Variants in SRSF4 observed in about 807,000 individuals in gnomAD.
SRSF4 encodes the protein serine/arginine-rich splicing factor 4.
In SRSF4, 12 loss-of-function variants were observed where a neutral mutation model predicts 48.8. The observed-to-expected ratio is 0.25, with a 90% CI of 0.16 to 0.40. The LOEUF is 0.40. Among genes scored for constraint, SRSF4 ranks in the 10% least tolerant of loss-of-function variants. The pLI is 1.00. For missense variants in SRSF4, 466 were observed against 667.1 expected, an observed-to-expected ratio of 0.70 and a Z score of 3.32; for synonymous variants, 248 against 232.5, an observed-to-expected ratio of 1.07 and a Z score of -0.61.
chr1:29,159,285 T>C, intron 3 of SRSF4, 89 bp downstream of exon 3: 3 of 805,020 alleles, frequency 3.7e-6, no homozygotes, highest in East Asian at 5.0e-5. Flanking sequence ...ACACTGTATT[T>C]TGTGTATGCC....
chr1:29,158,795 G>A (rs111663720), intron 3 of SRSF4, among the ~76,000 whole-genome samples: 17,482 of 152,128 alleles, frequency 0.11, 1,369 homozygotes, highest in East Asian at 0.41. Context: ...TTGTGCCTCT[G>A]CACTCCAGCC....
chr1:29,153,658 C>T (rs977551724), intron 4 of SRSF4, among the ~76,000 whole-genome samples: 14 of 145,928 alleles, frequency 9.6e-5, no homozygotes, highest in Non-Finnish European at 2.0e-4. Context: ...TAGAGTGCAA[C>T]GGTGCGCTTG....
intron 1 of SRSF4, among the ~76,000 whole-genome samples, chr1:29,162,831 T>A (rs1461212752): frequency 3.3e-5 from 5 of 152,164 alleles, no homozygotes; most frequent in Non-Finnish European, 5.9e-5. Context: ...TTACAACTAC[T>A]GGGCAGAGGG....
intron 4 of SRSF4, among the ~76,000 whole-genome samples, chr1:29,153,292 C>T (rs1015116009): frequency 2.0e-5 from 3 of 152,102 alleles, no homozygotes; most frequent in Admixed American, 2.0e-4. Context: ...CGTGTGCCAT[C>T]ATGCCTGGCT....
chr1:29,157,555 A>G (rs566769919), intron 3 of SRSF4, among the ~76,000 whole-genome samples: 3 of 152,298 alleles, frequency 2.0e-5, no homozygotes, highest in Admixed American at 2.0e-4. Context: ...GATGCACCTG[A>G]AAAAACAGCA....
chr1:29,172,869 A>T (rs937750797), intron 1 of SRSF4: 1 of 152,222 alleles, frequency 6.6e-6, no homozygotes, highest in African/African-American at 2.4e-5. Flanking sequence ...AGACCAAAAA[A>T]AAGGTAGACA....
At chr1:29,167,843 A>G (rs1018530334) in intron 1 of SRSF4, among the ~76,000 whole-genome samples, 1 of 152,140 alleles carries the variant, frequency 6.6e-6, no homozygotes, top group Non-Finnish European at 1.5e-5. Context: ...ATCCATTTGT[A>G]TATCAAATGT....
chr1:29,181,201 G>A (rs566469406), intron 1 of SRSF4, among the ~76,000 whole-genome samples: 1 of 152,342 alleles, frequency 6.6e-6, no homozygotes, highest in African/African-American at 2.4e-5. Flanking sequence ...CGCTGTGACC[G>A]TCTGATCCAT....
chr1:29,177,106 A>C (rs997217353), intron 1 of SRSF4, among the ~76,000 whole-genome samples: 4 of 152,194 alleles, frequency 2.6e-5, no homozygotes, highest in African/African-American at 9.7e-5. Context: ...GTGTACTCAA[A>C]ATTCTTTCAC....
rs1159316259 is a variant in SRSF4 at position 29,148,839 on chromosome 1, G to A, written c.1056C>T (p.Asp352=). ...TGCTTCTCTTCCTGCCCTTCCTCTT[G>A]TCCTTGCTCTTGCTGCGGCTCCTGC... is the stretch of plus-strand genomic sequence containing the variant. ...SRSRSRSKSK[D]KRKGRKRSRE... Residue 352 remains aspartate (D), a synonymous_variant, in exon 6 of 6, where the codon GAC becomes GAT. Transcript: ENST00000373795. The A allele has an allele frequency of 6.2e-7, 1 of 1,607,980 alleles. No individual in the cohort carries two copies. Among genetic ancestry groups the A allele is most frequent in the African/African-American group, 1.3e-5 (1 of 74,594 alleles).
At chr1:29,171,228 A>G (rs1672740532) in intron 1 of SRSF4, 1 of 151,842 alleles carries the variant, frequency 6.6e-6, no homozygotes, top group Non-Finnish European at 1.5e-5. Flanking sequence ...AACATCATAA[A>G]AAATACCATC....
chr1:29,171,994 G>T (rs914015149), intron 1 of SRSF4: 1 of 152,112 alleles, frequency 6.6e-6, no homozygotes. Context: ...GGCAATTTAC[G>T]CTGTTAACAT....
intron 1 of SRSF4, chr1:29,169,084 A>G (rs1558391739): frequency 6.6e-6 from 1 of 151,996 alleles, no homozygotes; most frequent in East Asian, 1.9e-4. Context: ...AATAATTACT[A>G]CTCCTATTTT....
intron 4 of SRSF4, among the ~76,000 whole-genome samples, chr1:29,153,599 CA>C (rs1033466693): frequency 5.3e-5 from 8 of 149,756 alleles, no homozygotes; most frequent in African/African-American, 1.5e-4. Context: ...CTCTGATTTC[CA>C]TTTTTTTTTT....
chr1:29,176,147 G>A (rs1284648495), intron 1 of SRSF4, among the ~76,000 whole-genome samples: 1 of 152,144 alleles, frequency 6.6e-6, no homozygotes, highest in African/African-American at 2.4e-5. Flanking sequence ...AGCTACTTGG[G>A]AGGCTGAGGC....
chr1:29,179,424 A>G (rs1329669068), intron 1 of SRSF4, among the ~76,000 whole-genome samples: 1 of 152,180 alleles, frequency 6.6e-6, no homozygotes, highest in African/African-American at 2.4e-5. Flanking sequence ...CAGTGTCACA[A>G]TCATAGCTCA....
intron 4 of SRSF4, among the ~76,000 whole-genome samples, chr1:29,151,095 G>A (rs1393092119): frequency 2.0e-5 from 3 of 152,126 alleles, no homozygotes; most frequent in Admixed American, 6.5e-5. Flanking sequence ...GACTCCAGGC[G>A]TAAAGCAGGA....
intron 1 of SRSF4, among the ~76,000 whole-genome samples, chr1:29,161,743 C>T (rs992848070): frequency 2.0e-5 from 3 of 152,212 alleles, no homozygotes; most frequent in African/African-American, 7.2e-5. Context: ...GGATTACAGG[C>T]GCACGCCCCC....
At chr1:29,150,389 C>A (rs1672391256) in intron 4 of SRSF4, among the ~76,000 whole-genome samples, 197 bp from the exon 5 acceptor site, 1 of 152,050 alleles carries the variant, frequency 6.6e-6, no homozygotes, top group Non-Finnish European at 1.5e-5. Flanking sequence ...CTCAGCCTCC[C>A]AAGTATCTGG....
Sources: gnomAD v4.1 joint callset for allele counts (sites outside exome capture counted in the v4.1 genomes callset) on GRCh38, gnomAD v4.1.1 for gene constraint, MANE v1.5 for transcripts, NCBI Gene and HGNC (gene_info 2026-07-23, HGNC 2026-07-21) for gene names.